HTR7: variants seen among roughly 807,000 people sequenced by gnomAD.
HTR7 encodes the protein 5-HT-7.
In HTR7, 16 loss-of-function variants were observed where a neutral mutation model predicts 34.0. That is an observed-to-expected ratio of 0.47 (90% CI 0.32 to 0.71). The LOEUF is 0.71. HTR7 is among the 30% of genes least tolerant of loss of function. HTR7 has a pLI of 0.04. For synonymous variants in HTR7, 265 were observed against 260.2 expected (o/e 1.02, Z -0.18); for missense variants, 504 against 625.5 (o/e 0.81, Z 2.07).
At chr10:90,805,440 G>A (rs1373853812) in intron 1 of HTR7, among the ~76,000 whole-genome samples, 2 of 152,164 alleles carry the variant, frequency 1.3e-5, no homozygotes, top group African/African-American at 2.4e-5. Flanking sequence ...CTCTGTCTCT[G>A]CACCTAAACC....
At chr10:90,784,745 A>C (rs1249826954) in intron 1 of HTR7, among the ~76,000 whole-genome samples, 3 of 152,226 alleles carry the variant, frequency 2.0e-5, no homozygotes, top group African/African-American at 7.2e-5. Flanking sequence ...ACACTCTCTA[A>C]GACAGGCAGT....
rs561384169 is a variant in HTR7, at chr10:90,820,136, G to T, written c.539+36997C>A. Among the ~76,000 whole-genome samples the T allele has an allele frequency of 1.4e-3, 210 of 152,312 alleles. 1 individual carries two copies. The highest frequency in any genetic ancestry group is 3.4e-3 in the Middle Eastern group (1 of 292). Reference sequence around the variant, plus strand: ...CCCTGGGGGAATAAGTCAGTCTTTTGTTTGGTATGGCACAGTCTTTAGGCT... The same window carrying T: ...CCCTGGGGGAATAAGTCAGTCTTTTTTTTGGTATGGCACAGTCTTTAGGCT... On this transcript the variant is annotated intron_variant, in intron 1 of 3. Coordinates refer to ENST00000336152, the MANE Select transcript of HTR7 (RefSeq NM_019859.4).
In HTR7 at chr10:90,857,645, G is replaced by C. The variant is rs1365022041; in HGVS notation, c.27C>G (p.Arg9=). ...AGCGGAGGTGCCCGTAGAGGTCCGG[G>C]CGGCCGCTGCTGTTAACGTCCATCA... is the stretch of plus-strand genomic sequence containing the variant. The part of the protein sequence containing the change: MMDVNSSG[R]PDLYGHLRSF... Residue 9 remains arginine (R), a synonymous_variant, in exon 1 of 4, where the codon CGC becomes CGG. Coordinates refer to ENST00000336152, the MANE Select transcript of HTR7 (RefSeq NM_019859.4). This position sits in a 1 kb window ranked among gnomAD's most constrained non-coding sequence, Gnocchi z 6.5. 2 of 1,591,428 alleles carry C rather than the reference G, an allele frequency of 1.3e-6. No homozygotes were observed. Among genetic ancestry groups the C allele is most frequent in the Admixed American group, 3.5e-5 (2 of 57,818 alleles).
At chr10:90,815,900 T>C (rs1403040475) in intron 1 of HTR7, among the ~76,000 whole-genome samples, 1 of 152,192 alleles carries the variant, frequency 6.6e-6, no homozygotes, top group Non-Finnish European at 1.5e-5. Context: ...TTCCCAATGA[T>C]GATTACTGAG....
chr10:90,840,168 C>T (rs930410572), intron 1 of HTR7, among the ~76,000 whole-genome samples: 2 of 127,374 alleles, frequency 1.6e-5, no homozygotes, highest in African/African-American at 5.8e-5. Context: ...CTGTTTCTCT[C>T]TCTCTCTCTC....
At chr10:90,819,665 A>T (rs991751678) in intron 1 of HTR7, among the ~76,000 whole-genome samples, 3 of 152,164 alleles carry the variant, frequency 2.0e-5, no homozygotes, top group African/African-American at 7.2e-5. Context: ...TTTCTCTGAC[A>T]CTGGATTTAG....
At chr10:90,773,576 T>C (rs1025693918) in intron 1 of HTR7, among the ~76,000 whole-genome samples, 41 of 152,218 alleles carry the variant, frequency 2.7e-4, no homozygotes, top group African/African-American at 9.1e-4. Context: ...TTTTTTTTTG[T>C]ACCCATTAAT....
At chr10:90,855,265 A>G (rs1846560822) in intron 1 of HTR7, among the ~76,000 whole-genome samples, 1 of 152,244 alleles carries the variant, frequency 6.6e-6, no homozygotes, top group South Asian at 2.1e-4. Context: ...ATGTCTTCTC[A>G]GTATTCAGGA....
chr10:90,784,472 C>A (rs1845352585), intron 1 of HTR7, among the ~76,000 whole-genome samples: 1 of 152,176 alleles, frequency 6.6e-6, no homozygotes, highest in African/African-American at 2.4e-5. Context: ...TAAATATGAA[C>A]CCTTTTAAAA....
intron 1 of HTR7, among the ~76,000 whole-genome samples, chr10:90,843,456 T>G (rs530784518): frequency 1.3e-5 from 2 of 152,358 alleles, no homozygotes; most frequent in Admixed American, 6.5e-5. Context: ...TCTAGAAATG[T>G]GTCATGACCT....
chr10:90,778,768 T>A (rs1845262201), intron 1 of HTR7, among the ~76,000 whole-genome samples: 1 of 152,256 alleles, frequency 6.6e-6, no homozygotes, highest in African/African-American at 2.4e-5. Flanking sequence ...ACTGTTTTCC[T>A]GTCTCTTCCA....
intron 1 of HTR7, among the ~76,000 whole-genome samples, chr10:90,751,280 C>T (rs1844728080): frequency 6.6e-6 from 1 of 152,004 alleles, no homozygotes; most frequent in Non-Finnish European, 1.5e-5. Flanking sequence ...GAAAGTAACT[C>T]AGAAGAAGAG....
intron 1 of HTR7, among the ~76,000 whole-genome samples, chr10:90,846,448 T>G (rs945819247): frequency 1.3e-5 from 2 of 152,174 alleles, no homozygotes; most frequent in Non-Finnish European, 2.9e-5. Flanking sequence ...ATAATGGTAT[T>G]AGTTCATCAA....
chr10:90,831,125 T>A (rs1445212769), intron 1 of HTR7, among the ~76,000 whole-genome samples: 1 of 152,208 alleles, frequency 6.6e-6, no homozygotes, highest in Non-Finnish European at 1.5e-5. Flanking sequence ...CCAATTAGGG[T>A]AGTTCAAGAA....
At chr10:90,812,208 A>G (rs1351846188) in intron 1 of HTR7, among the ~76,000 whole-genome samples, 1 of 152,184 alleles carries the variant, frequency 6.6e-6, no homozygotes, top group Non-Finnish European at 1.5e-5. Flanking sequence ...TCCAGACACC[A>G]GACCAACTTA....
chr10:90,743,928 A>G (rs181835591), intron 2 of HTR7: 14 of 661,222 alleles, frequency 2.1e-5, no homozygotes, highest in Non-Finnish European at 4.0e-5. Context: ...TGCCTGATGA[A>G]CTCCTGAGGT....
chr10:90,792,564 G>C (rs1045147270), intron 1 of HTR7, among the ~76,000 whole-genome samples: 1 of 151,900 alleles, frequency 6.6e-6, no homozygotes, highest in Non-Finnish European at 1.5e-5. Flanking sequence ...AGAGATTATG[G>C]ATGGTCCCTA....
At chr10:90,785,081 C>T (rs946793942) in intron 1 of HTR7, among the ~76,000 whole-genome samples, 36 of 152,308 alleles carry the variant, frequency 2.4e-4, no homozygotes, top group African/African-American at 5.3e-4. Flanking sequence ...CCTCATCATC[C>T]GCTGCAGGAG....
At chr10:90,762,335 G>A (rs771746997) in intron 1 of HTR7, among the ~76,000 whole-genome samples, 2 of 152,204 alleles carry the variant, frequency 1.3e-5, no homozygotes, top group African/African-American at 2.4e-5. Context: ...ATCCCAAAAA[G>A]TGTGAGGTGA....
Sources: allele counts gnomAD v4.1 joint callset (sites outside exome capture counted in the v4.1 genomes callset), GRCh38; gene constraint gnomAD v4.1.1; non-coding constraint Gnocchi (gnomAD v3.1); transcripts MANE v1.5; gene names NCBI Gene and HGNC (gene_info 2026-07-23, HGNC 2026-07-21).